The following TTC29 variants were observed in gnomAD, a reference collection of about 807,000 sequenced individuals.
The protein encoded by TTC29 is tetratricopeptide repeat domain 29, also known as tetratricopeptide repeat protein 29.
In TTC29, 49 loss-of-function variants were observed where a neutral mutation model predicts 58.1. The ratio of observed to expected loss-of-function variants is 0.84; its 90% confidence interval spans 0.67 to 1.07. The LOEUF (loss-of-function observed/expected upper bound fraction) is 1.07. Ranked by LOEUF, TTC29 falls within the 50% of genes least tolerant of loss-of-function variation. TTC29 has a pLI of 0.00. For missense variants in TTC29, 582 were observed against 555.6 expected, an observed-to-expected ratio of 1.05 and a Z score of -0.48; for synonymous variants, 209 against 196.8, an observed-to-expected ratio of 1.06 and a Z score of -0.52.
chr4:146,861,316 T>C (rs1352595477), intron 8 of TTC29, among the ~76,000 whole-genome samples: 1 of 152,182 alleles, frequency 6.6e-6, no homozygotes, highest in Non-Finnish European at 1.5e-5. Context: ...TCTTAAAATT[T>C]GGAATTTACC....
chr4:146,797,159 C>T (rs1382616433), intron 11 of TTC29, among the ~76,000 whole-genome samples: 1 of 152,216 alleles, frequency 6.6e-6, no homozygotes, highest in Non-Finnish European at 1.5e-5. Context: ...CCCAGGCTGG[C>T]AGTTGTCTGC....
At chr4:146,828,197 C>T (rs1459494672) in intron 9 of TTC29, among the ~76,000 whole-genome samples, 1 of 152,014 alleles carries the variant, frequency 6.6e-6, no homozygotes, top group Non-Finnish European at 1.5e-5. Flanking sequence ...AGGAAATTTT[C>T]AAATGCAGGC....
At chr4:146,775,386 A>G (rs1349859322) in intron 11 of TTC29, among the ~76,000 whole-genome samples, 1 of 152,088 alleles carries the variant, frequency 6.6e-6, no homozygotes, top group Non-Finnish European at 1.5e-5. Flanking sequence ...GCTGGTAACA[A>G]TCTTTTCTTT....
chr4:146,707,104 T>A lies in TTC29; in HGVS notation c.*54A>T. 1 of 1,387,694 alleles carries A rather than the reference T, an allele frequency of 7.2e-7. No individual in the cohort carries two copies. 86.0% of individuals were successfully genotyped at this position (1,387,694 alleles called of 1,614,324 possible). A position where few individuals can be genotyped will look rare whatever the true frequency, so the allele number is the denominator to read the frequency against. ...CATGCTCCTATTACAAGTATTGAAG[T>A]CTAAGGTGACATGATGGATTTCTTC... On this transcript the variant is annotated 3_prime_UTR_variant, in exon 13 of 13. Transcript: ENST00000325106.
At chr4:146,863,818 A>G (rs1730399545) in intron 8 of TTC29, among the ~76,000 whole-genome samples, 1 of 152,130 alleles carries the variant, frequency 6.6e-6, no homozygotes. Context: ...TGACAGTGGA[A>G]GATCGATGTC....
At chr4:146,848,075 T>C (rs922037695) in intron 8 of TTC29, among the ~76,000 whole-genome samples, 3 of 152,176 alleles carry the variant, frequency 2.0e-5, no homozygotes, top group Admixed American at 1.3e-4. Flanking sequence ...ATATACAAAA[T>C]TGTAAAGCTA....
intron 11 of TTC29, among the ~76,000 whole-genome samples, chr4:146,762,360 T>TG (rs2150063849): frequency 6.6e-6 from 1 of 151,568 alleles, no homozygotes; most frequent in African/African-American, 2.4e-5. Context: ...TTTTTTTTTT[T>TG]TTCCTGTGAG....
intron 11 of TTC29, among the ~76,000 whole-genome samples, chr4:146,724,224 C>T (rs1022504329): frequency 4.6e-5 from 7 of 151,964 alleles, no homozygotes; most frequent in South Asian, 2.1e-4. Context: ...GGCTACTAAA[C>T]GGGGAGGCAG....
intron 4 of TTC29, among the ~76,000 whole-genome samples, chr4:146,918,826 C>G (rs1734400208): frequency 6.6e-6 from 1 of 151,022 alleles, no homozygotes; most frequent in African/African-American, 2.4e-5. Context: ...AATAGTTACC[C>G]ACGGTAGCTG....
chr4:146,722,173 C>G (rs1357248265), intron 11 of TTC29, among the ~76,000 whole-genome samples: 3 of 152,064 alleles, frequency 2.0e-5, no homozygotes, highest in South Asian at 4.2e-4. Context: ...ATAGATGACA[C>G]AAACCAATGG....
At chr4:146,901,291 C>T (rs955305806) in intron 6 of TTC29, among the ~76,000 whole-genome samples, 26 of 152,098 alleles carry the variant, frequency 1.7e-4, no homozygotes, top group African/African-American at 6.3e-4. Flanking sequence ...CCAGTGTGTA[C>T]ATTTATAATC....
chr4:146,806,579 C>A (rs1188378202), intron 10 of TTC29, among the ~76,000 whole-genome samples: 1 of 151,292 alleles, frequency 6.6e-6, no homozygotes, highest in African/African-American at 2.4e-5. Context: ...GCAGAGGTTG[C>A]AATCCTAGTC....
At chr4:146,717,590 T>A (rs1021373109) in intron 11 of TTC29, among the ~76,000 whole-genome samples, 3 of 152,118 alleles carry the variant, frequency 2.0e-5, no homozygotes, top group Admixed American at 6.6e-5. Context: ...CACTTTATTA[T>A]TTAGCTTTAA....
At chr4:146,833,382 AG>A (rs2150157429) in intron 9 of TTC29, among the ~76,000 whole-genome samples, 1 of 152,328 alleles carries the variant, frequency 6.6e-6, no homozygotes, top group East Asian at 1.9e-4. Context: ...ATGTGCTCAA[AG>A]GAGAGATGTC....
chr4:146,838,811 C>T (rs982213067), intron 8 of TTC29, among the ~76,000 whole-genome samples: 3 of 151,970 alleles, frequency 2.0e-5, no homozygotes, highest in Non-Finnish European at 2.9e-5. Context: ...TTTCCTATTT[C>T]TCACCCCACT....
At chr4:146,802,314 C>A (rs1008787063) in intron 11 of TTC29, among the ~76,000 whole-genome samples, 11 of 152,166 alleles carry the variant, frequency 7.2e-5, no homozygotes, top group African/African-American at 2.2e-4. Flanking sequence ...GACAAGACAG[C>A]ATGCTGAAGT....
At chr4:146,799,595 C>T (rs151323676) in intron 11 of TTC29, among the ~76,000 whole-genome samples, 3 of 151,998 alleles carry the variant, frequency 2.0e-5, no homozygotes, top group African/African-American at 4.8e-5. Context: ...CCTTTACATG[C>T]CATTTTGTAG....
intron 8 of TTC29, among the ~76,000 whole-genome samples, chr4:146,865,489 G>C (rs1730505001): frequency 6.6e-6 from 1 of 152,074 alleles, no homozygotes; most frequent in South Asian, 2.1e-4. Context: ...GGGTACTCAT[G>C]GACATAAAGA....
At chr4:146,794,199 T>C (rs1211847660) in intron 11 of TTC29, among the ~76,000 whole-genome samples, 2 of 152,144 alleles carry the variant, frequency 1.3e-5, no homozygotes, top group Non-Finnish European at 2.9e-5. Flanking sequence ...AATGAAGTCA[T>C]TCACATGAGA....
Sources: allele counts gnomAD v4.1 joint callset (sites outside exome capture counted in the v4.1 genomes callset), GRCh38; gene constraint gnomAD v4.1.1; transcripts MANE v1.5; gene names NCBI Gene and HGNC (gene_info 2026-07-23, HGNC 2026-07-21).